HHLA1: variants seen among roughly 807,000 people sequenced by gnomAD.
HHLA1 encodes HHLA1 neighbor of OC90, also known as HERV-H LTR-associating protein 1.
Under a neutral mutation model 69.9 loss-of-function variants are expected in HHLA1, and 72 were observed. That is an observed-to-expected ratio of 1.03 (90% CI 0.85 to 1.25). The LOEUF (loss-of-function observed/expected upper bound fraction) is 1.25, where lower values mean the gene tolerates loss of function less well. Ranked by LOEUF, HHLA1 falls within the 50% of genes most tolerant of loss-of-function variation. The pLI is 0.00. For synonymous variants in HHLA1, 252 were observed against 233.2 expected (o/e 1.08, Z -0.73); for missense variants, 685 against 642.2 (o/e 1.07, Z -0.72).
At chr8:132,110,260 T>TCCGTTCAG (rs1486161232) in intron 1 of HHLA1, among the ~76,000 whole-genome samples, 3 of 152,150 alleles carry the variant, frequency 2.0e-5, no homozygotes, top group African/African-American at 7.2e-5. Flanking sequence ...ATTACGACGG[T>TCCGTTCAG]CCGTTCAGCC....
At position 132,077,717 on chromosome 8, in the gene HHLA1, C is replaced by G; in HGVS notation, c.1171+9G>C. ...AACGGGAGAGGTAGAAGTGAGCACCCTCTCTTACCCAAGGTAGGGCTGGCC... is the reference window on the plus strand; with the variant it reads ...AACGGGAGAGGTAGAAGTGAGCACCGTCTCTTACCCAAGGTAGGGCTGGCC... On this transcript the variant is annotated intron_variant, in intron 12 of 16. Transcript: ENST00000414222. 1 of 1,550,866 alleles carries G rather than the reference C, an allele frequency of 6.4e-7. No homozygotes were observed.
Position 132,065,982 on chromosome 8 carries a change from T to C in HHLA1, c.1470-14A>G. 1 of 1,200,754 alleles carries C rather than the reference T, an allele frequency of 8.3e-7. No individual in the cohort carries two copies. Among genetic ancestry groups the C allele is most frequent in the Non-Finnish European group, 1.1e-6 (1 of 893,508 alleles). 74.4% of individuals were successfully genotyped at this position (1,200,754 alleles called of 1,614,324 possible). A position where few individuals can be genotyped will look rare whatever the true frequency, so the allele number is the denominator to read the frequency against. The stretch of plus-strand genomic sequence containing the variant: ...TCAAGACAGTATCTAAAGATTTAAA[T>C]CAGAGCAGGGAGCAATAACTATCCT... On this transcript the variant is annotated splice_polypyrimidine_tract_variant and intron_variant, in intron 15 of 16. Coordinates refer to ENST00000414222, the MANE Select transcript of HHLA1 (RefSeq NM_001145095.3).
At chr8:132,107,255 C>A (rs1170069197) in intron 1 of HHLA1, among the ~76,000 whole-genome samples, 2 of 151,972 alleles carry the variant, frequency 1.3e-5, no homozygotes, top group Non-Finnish European at 2.9e-5. Context: ...TTATGTTAAC[C>A]ACCCTCTTCC....
chr8:132,073,091 C>G (rs1477454450), intron 14 of HHLA1, among the ~76,000 whole-genome samples: 1 of 152,128 alleles, frequency 6.6e-6, no homozygotes, highest in Non-Finnish European at 1.5e-5. Flanking sequence ...CAATATTATT[C>G]TGTCATGTTT....
chr8:132,077,884 AT>A lies in HHLA1; in HGVS notation c.1012del (p.Ile338SerfsTer27), dbSNP rs1403514839. The A allele has an allele frequency of 2.6e-6, 4 of 1,551,392 alleles. No individual in the cohort carries two copies. Among genetic ancestry groups the A allele is most frequent in the Non-Finnish European group, 3.5e-6 (4 of 1,146,932 alleles). On this transcript the variant is annotated frameshift_variant, in exon 12 of 17. Transcript: ENST00000414222. LOFTEE classifies it high-confidence loss of function. ...SISSVPWAQT[I>X]SEKKPGGSLW... The stretch of plus-strand genomic sequence containing the variant: ...AGACCCTCCAGGTTTTTTCTCACTG[AT>A]GGTCTGAGCCCAGGGCACGGACGAT...
chr8:132,104,069 G>A, intron 3 of HHLA1, 39 bp downstream of exon 3: 1 of 1,469,960 alleles, frequency 6.8e-7, no homozygotes, highest in Non-Finnish European at 9.3e-7. Flanking sequence ...ATTTGCCCAA[G>A]AACAGTGAGC....
At chr8:132,105,411 G>A in intron 1 of HHLA1, 125 bp from the exon 2 acceptor site, 1 of 662,368 alleles carries the variant, frequency 1.5e-6, no homozygotes, top group Non-Finnish European at 2.7e-6. Flanking sequence ...GTTAGGAGAG[G>A]TTAGGAAGCT....
At chr8:132,088,918 C>T (rs1823902087) in intron 8 of HHLA1, among the ~76,000 whole-genome samples, 1 of 152,210 alleles carries the variant, frequency 6.6e-6, no homozygotes, top group African/African-American at 2.4e-5. Flanking sequence ...ATAGCTGTTA[C>T]TATTTCTCTT....
rs1175058434 is a variant in HHLA1, at chr8:132,095,052, T to G, written c.448+467A>C. 2.0e-5 allele frequency among the ~76,000 whole-genome samples: 3 copies of G among 152,232 alleles called. No individual in the cohort carries two copies. In the South Asian group the frequency reaches 6.2e-4, roughly 32 times the overall value. On this transcript the variant is annotated intron_variant, in intron 7 of 16. Transcript: ENST00000414222. ...CATTCTTCCACTCCAAAACACATAC[T>G]CCAATCTTCTTTTCAAAGGGAATCA...
At position 132,104,160 on chromosome 8, in the gene HHLA1, G is replaced by T. The variant is rs1824164907; in HGVS notation, c.87C>A (p.Gly29=). 2 of 1,549,312 alleles carry T rather than the reference G, an allele frequency of 1.3e-6. No homozygotes were observed. Among genetic ancestry groups the T allele is most frequent in the Non-Finnish European group, 1.7e-6 (2 of 1,145,068 alleles). Residue 29 remains glycine, a synonymous_variant, in exon 3 of 17, where the codon GGC becomes GGA. Transcript: ENST00000414222. The part of the protein sequence containing the change: ...CVLSLWNTVS[G]IKGEAKKEKG... ...TCTCTTTCTTGGCTTCTCCTTTGAT[G>T]CCAGACACTAAAGTAAAAAAGGTTT... is the stretch of plus-strand genomic sequence containing the variant.
intron 8 of HHLA1, among the ~76,000 whole-genome samples, chr8:132,088,684 A>G (rs77090728): frequency 2.0e-5 from 3 of 152,294 alleles, no homozygotes; most frequent in Non-Finnish European, 2.9e-5. Context: ...TACTATGATT[A>G]TATATATTAG....
chr8:132,072,729 T>C (rs1823568351), intron 14 of HHLA1, among the ~76,000 whole-genome samples: 1 of 152,188 alleles, frequency 6.6e-6, no homozygotes, highest in Admixed American at 6.5e-5. Context: ...TGGGTAAAAA[T>C]AATTGTGCAC....
chr8:132,073,479 C>A (rs1387030432), intron 14 of HHLA1, among the ~76,000 whole-genome samples: 1 of 152,266 alleles, frequency 6.6e-6, no homozygotes, highest in African/African-American at 2.4e-5. Context: ...CTCCTAAGAT[C>A]TTTGCATACA....
intron 11 of HHLA1, among the ~76,000 whole-genome samples, chr8:132,078,301 A>G (rs1189534922): frequency 6.6e-6 from 1 of 152,114 alleles, no homozygotes; most frequent in Non-Finnish European, 1.5e-5. Context: ...TAATCATGTG[A>G]CATAGTGAAA....
intron 1 of HHLA1, among the ~76,000 whole-genome samples, chr8:132,107,485 G>A (rs1824221341): frequency 1.3e-5 from 2 of 151,970 alleles, no homozygotes; most frequent in African/African-American, 4.8e-5. Context: ...ATTATTAGTA[G>A]AGACAGGGTT....
rs181879962 is a variant in HHLA1, at chr8:132,071,921, C to T, written c.1316-428G>A. On this transcript the variant is annotated intron_variant, in intron 14 of 16. Coordinates refer to ENST00000414222, the MANE Select transcript of HHLA1 (RefSeq NM_001145095.3). The stretch of plus-strand genomic sequence containing the variant: ...TATATGCATGTGTGTGTGCAGGGTA[C>T]ATGTGTGTGCATGTGTGTGTATATG... Among the ~76,000 whole-genome samples the T allele has an allele frequency of 4.6e-5, 7 of 151,760 alleles. No homozygotes were observed. In the East Asian group the frequency reaches 1.4e-3, roughly 29 times the overall value.
intron 2 of HHLA1, 104 bp downstream of exon 2, chr8:132,105,083 T>C (rs1394072316): frequency 7.0e-6 from 6 of 861,662 alleles, no homozygotes; most frequent in African/African-American, 3.4e-5. Context: ...CAAATTCATT[T>C]GGATTCTGGG....
At chr8:132,073,749 G>T (rs1823588371) in intron 14 of HHLA1, among the ~76,000 whole-genome samples, 1 of 152,070 alleles carries the variant, frequency 6.6e-6, no homozygotes. Flanking sequence ...AATGACACTT[G>T]GGATATTCAC....
intron 15 of HHLA1, among the ~76,000 whole-genome samples, chr8:132,068,105 G>A (rs1300016699): frequency 6.6e-6 from 1 of 152,198 alleles, no homozygotes; most frequent in Non-Finnish European, 1.5e-5. Context: ...CAACTTTGGG[G>A]CATGATCTGC....
Sources: gnomAD v4.1 joint callset for allele counts (sites outside exome capture counted in the v4.1 genomes callset) on GRCh38, gnomAD v4.1.1 for gene constraint, MANE v1.5 for transcripts, NCBI Gene and HGNC (gene_info 2026-07-23, HGNC 2026-07-21) for gene names.